CCDC171: variants seen among roughly 807,000 people sequenced by gnomAD.
CCDC171 encodes the protein coiled-coil domain-containing protein 171.
A neutral mutation model predicts 168.2 loss-of-function variants in CCDC171; 177 were observed. The ratio of observed to expected loss-of-function variants is 1.05; its 90% CI spans 0.93 to 1.19. The LOEUF is 1.19. Among genes scored for constraint, CCDC171 ranks in the 50% most tolerant of loss-of-function variants. The pLI, the probability that CCDC171 is intolerant of heterozygous loss-of-function variation, is 0.00. For missense variants in CCDC171, 1,991 were observed against 1,539.0 expected (o/e 1.29, Z -4.91); for synonymous variants, 687 against 540.8 (o/e 1.27, Z -3.75).
chr9:15,862,025 C>A (rs951252838), intron 23 of CCDC171, among the ~76,000 whole-genome samples: 4 of 151,610 alleles, frequency 2.6e-5, no homozygotes, highest in Non-Finnish European at 5.9e-5. Context: ...AGATAGCATT[C>A]TTTTTCCCTT....
chr9:15,853,252 C>G lies in CCDC171; in HGVS notation c.3468+4305C>G, dbSNP rs79450177. Among the ~76,000 whole-genome samples, 1,216 of 151,758 alleles carry G rather than the reference C, an allele frequency of 8.0e-3. 12 individuals carry two copies. Among genetic ancestry groups the G allele is most frequent in the African/African-American group, 0.028 (1,159 of 41,504 alleles). On this transcript the variant is annotated intron_variant, in intron 23 of 25. Coordinates refer to ENST00000380701, the MANE Select transcript of CCDC171 (RefSeq NM_173550.4). The stretch of plus-strand genomic sequence containing the variant: ...CTTATTTAGATCTTCTTTAATTTCT[C>G]TCAAAAGATGTTTTGTGGTTTTCAG...
chr9:15,827,285 G>T (rs1056864596), intron 21 of CCDC171, among the ~76,000 whole-genome samples: 2 of 152,058 alleles, frequency 1.3e-5, no homozygotes, highest in Non-Finnish European at 2.9e-5. Flanking sequence ...GGGACATGTG[G>T]GTGTGGTTGG....
At chr9:15,969,956 C>G (rs1405641848) in intron 25 of CCDC171, among the ~76,000 whole-genome samples, 1 of 152,156 alleles carries the variant, frequency 6.6e-6, no homozygotes, top group Non-Finnish European at 1.5e-5. Flanking sequence ...GCAAGCAAAA[C>G]CTCATTAATA....
rs550348879 is a variant in CCDC171 at position 15,603,044 on chromosome 9, C to T, written c.675+8872C>T. Among the ~76,000 whole-genome samples, 25 of 151,416 alleles carry T rather than the reference C, an allele frequency of 1.7e-4. No individual in the cohort carries two copies. In the South Asian group the frequency reaches 2.1e-3, roughly 13 times the overall value. On this transcript the variant is annotated intron_variant, in intron 6 of 25. Coordinates refer to ENST00000380701, the MANE Select transcript of CCDC171 (RefSeq NM_173550.4). ...TCACCCAGATTGGAGTGCAGTGGCG[C>T]GATCTTGGCTCACTGCAACCTCCAC...
chr9:15,875,581 T>A (rs767927936), intron 24 of CCDC171: 3 of 152,034 alleles, frequency 2.0e-5, no homozygotes, highest in Non-Finnish European at 4.4e-5. Context: ...AGGAGAAATA[T>A]CTCTTAAAAC....
At chr9:15,768,190 C>G (rs1487834661) in intron 18 of CCDC171, among the ~76,000 whole-genome samples, 2 of 113,956 alleles carry the variant, frequency 1.8e-5, no homozygotes, top group Non-Finnish European at 4.0e-5. Flanking sequence ...CTATGAGTTT[C>G]CTAAAAAAAA....
intron 21 of CCDC171, among the ~76,000 whole-genome samples, chr9:15,843,096 A>T (rs947665184): frequency 6.6e-6 from 1 of 152,048 alleles, no homozygotes; most frequent in South Asian, 2.1e-4. Flanking sequence ...AATCAAATGT[A>T]AGTATTTTCT....
intron 18 of CCDC171, among the ~76,000 whole-genome samples, chr9:15,748,682 G>A (rs1042692850): frequency 1.3e-5 from 2 of 152,158 alleles, no homozygotes; most frequent in East Asian, 3.8e-4. Flanking sequence ...CATTCTTAAA[G>A]AAAAGAATTT....
chr9:16,056,588 A>G lies in CCDC171; in HGVS notation n.90-4058A>G, dbSNP rs538225163. Among the ~76,000 whole-genome samples, 7 of 152,250 alleles carry G rather than the reference A, an allele frequency of 4.6e-5. No homozygotes were observed. The East Asian group carries it at 1.3e-3, about 29-fold the overall frequency. ...CTGCAACCTCCGCCTCCCAGGTTCAAGCAATCCCCCTGCTTCAGCCTCCAG... is the reference window on the plus strand; with the variant it reads ...CTGCAACCTCCGCCTCCCAGGTTCAGGCAATCCCCCTGCTTCAGCCTCCAG... On this transcript the variant is annotated intron_variant and non_coding_transcript_variant, in intron 1 of 1. Coordinates refer to the CCDC171 transcript ENST00000478913.
At chr9:15,655,264 A>C (rs910188155) in intron 7 of CCDC171, among the ~76,000 whole-genome samples, 1 of 152,148 alleles carries the variant, frequency 6.6e-6, no homozygotes, top group Non-Finnish European at 1.5e-5. Context: ...TCATCTAGGA[A>C]GGGAAATCAA....
At chr9:15,683,084 G>C (rs950104427) in intron 10 of CCDC171, among the ~76,000 whole-genome samples, 4 of 151,956 alleles carry the variant, frequency 2.6e-5, no homozygotes, top group Admixed American at 6.6e-5. Context: ...GTCATTTCTT[G>C]AGATTTGTTT....
chr9:15,833,142 C>T (rs191381614), intron 21 of CCDC171, among the ~76,000 whole-genome samples: 3 of 152,180 alleles, frequency 2.0e-5, no homozygotes, highest in African/African-American at 4.8e-5. Context: ...CACACACCAT[C>T]ATGTCTGGCT....
At chr9:15,788,689 A>G (rs1164349658) in intron 21 of CCDC171, among the ~76,000 whole-genome samples, 9 of 151,864 alleles carry the variant, frequency 5.9e-5, no homozygotes, top group Admixed American at 1.3e-4. Flanking sequence ...AGCTGGGTCT[A>G]CAGACACATG....
chr9:15,583,270 C>G (rs2131314948), intron 4 of CCDC171, among the ~76,000 whole-genome samples: 1 of 152,158 alleles, frequency 6.6e-6, no homozygotes, highest in East Asian at 1.9e-4. Context: ...CAAAAATTAG[C>G]TGGGTGTGGT....
intron 24 of CCDC171, among the ~76,000 whole-genome samples, chr9:15,893,849 C>A (rs1273136920): frequency 6.6e-6 from 1 of 152,098 alleles, no homozygotes; most frequent in Admixed American, 6.6e-5. Context: ...AGTTCAACCA[C>A]TGTGGAAGAC....
chr9:15,911,630 G>A (rs572943793), intron 24 of CCDC171, among the ~76,000 whole-genome samples: 4 of 152,158 alleles, frequency 2.6e-5, no homozygotes, highest in African/African-American at 4.8e-5. Flanking sequence ...CCATGCCTAT[G>A]TCCTGAATGG....
At chr9:15,589,109 G>A (rs1012503147) in intron 4 of CCDC171, among the ~76,000 whole-genome samples, 10 of 152,060 alleles carry the variant, frequency 6.6e-5, no homozygotes, top group African/African-American at 1.9e-4. Flanking sequence ...GAAGTGGATT[G>A]ATGGGGGGAA....
intron 21 of CCDC171, among the ~76,000 whole-genome samples, chr9:15,823,378 A>C (rs1049008312): frequency 1.6e-4 from 24 of 152,142 alleles, no homozygotes; most frequent in African/African-American, 5.6e-4. Flanking sequence ...TGCATTAAGC[A>C]TAAAAAGGAA....
chr9:15,887,619 A>G (rs1167963190), intron 24 of CCDC171, among the ~76,000 whole-genome samples: 1 of 152,202 alleles, frequency 6.6e-6, no homozygotes, highest in African/African-American at 2.4e-5. Context: ...ACACGTTTGT[A>G]GACACTAAGC....
Sources: gnomAD v4.1 joint callset for allele counts (sites outside exome capture counted in the v4.1 genomes callset) on GRCh38, gnomAD v4.1.1 for gene constraint, MANE v1.5 for transcripts, NCBI Gene and HGNC (gene_info 2026-07-23, HGNC 2026-07-21) for gene names.